Variants in ZNF605 observed in about 807,000 individuals in gnomAD.
ZNF605 encodes zinc finger protein 605.
Under a neutral mutation model 7.9 loss-of-function variants are expected in ZNF605, and 9 were observed. The ratio of observed to expected loss-of-function variants is 1.14; its 90% confidence interval spans 0.68 to 1.98. The LOEUF (loss-of-function observed/expected upper bound fraction) is 1.98, where lower values mean the gene tolerates loss of function less well. Among genes scored for constraint, ZNF605 ranks in the 30% most tolerant of loss-of-function variants. The probability of loss-of-function intolerance (pLI) is 0.00; values close to 1 mark genes in which losing one functional copy is unlikely to be tolerated. For missense variants in ZNF605, 673 were observed against 762.4 expected (o/e 0.88, Z 1.38); for synonymous variants, 255 against 260.1 (o/e 0.98, Z 0.19).
chr12:132,923,062 C>T lies in ZNF605; in HGVS notation c.*2311G>A, dbSNP rs1321810555. 1.3e-5 allele frequency: 2 copies of T among 152,098 alleles called. No homozygotes were observed. The highest frequency in any genetic ancestry group is 2.4e-5 in the African/African-American group (1 of 41,412). 9.4% of individuals were successfully genotyped at this position (152,098 alleles called of 1,614,324 possible). On this transcript the variant is annotated 3_prime_UTR_variant, in exon 5 of 5. Coordinates refer to ENST00000360187, the MANE Select transcript of ZNF605 (RefSeq NM_183238.4). ...TGTGCCTGCTACAAATTCAAGCTAC[C>T]CCGAGCCCTGAAGGAATAGGCTTCT...
Position 132,941,081 on chromosome 12 carries a change from CAA to C in ZNF605, c.15+4538_15+4539del, listed in dbSNP as rs1203306265. On this transcript the variant is annotated intron_variant, in intron 3 of 4. Transcript: ENST00000360187. This position sits in a 1 kb window ranked among gnomAD's most constrained non-coding sequence, Gnocchi z 5.1. ...TTTTGTTACCCATACGGGTGCTCAC[CAA>C]AAAGACTCCAGTGCTGACCCAGGAA... Among the ~76,000 whole-genome samples, 1 of 152,068 alleles carries C rather than the reference CAA, an allele frequency of 6.6e-6. No homozygotes were observed. The highest frequency in any genetic ancestry group is 1.9e-4 in the East Asian group (1 of 5,192).
rs1034397481 is a variant in ZNF605 at position 132,919,162 on chromosome 12, C to T, written c.*6211G>A. 2 of 152,160 alleles carry T rather than the reference C, an allele frequency of 1.3e-5. No homozygotes were observed. The highest frequency in any genetic ancestry group is 2.9e-5 in the Non-Finnish European group (2 of 68,036). The allele number at this position is 152,160 out of a possible 1,614,324, so 9.4% of individuals were successfully genotyped here. A position where few individuals can be genotyped will look rare whatever the true frequency, so the allele number is the denominator to read the frequency against. On this transcript the variant is annotated 3_prime_UTR_variant, in exon 5 of 5. Transcript: ENST00000360187. ...ATAAAAAGTTAATTCACTTCTCCCACCCCCTATTGTAAGTTTAAGCTTGAT... is the reference window on the plus strand; with the variant it reads ...ATAAAAAGTTAATTCACTTCTCCCATCCCCTATTGTAAGTTTAAGCTTGAT...
At chr12:132,927,464 C>A (rs1170480846) in intron 4 of ZNF605, among the ~76,000 whole-genome samples, 2 of 152,050 alleles carry the variant, frequency 1.3e-5, no homozygotes, top group African/African-American at 4.8e-5. Flanking sequence ...CTCCCAGGTT[C>A]AAGCAATTCT....
rs1405208637 is a variant in ZNF605, at chr12:132,918,792, G to C, written c.*6581C>G. The C allele has an allele frequency of 6.6e-6, 1 of 152,240 alleles. No individual in the cohort carries two copies. The highest frequency in any genetic ancestry group is 2.4e-5 in the African/African-American group (1 of 41,436). 9.4% of individuals were successfully genotyped at this position (152,240 alleles called of 1,614,324 possible). ...GTAGAGATAGGGTTTTGCCATGTTGGCCAGGCTGCTCTTGAGCTCCTGAAC... is the reference window on the plus strand; with the variant it reads ...GTAGAGATAGGGTTTTGCCATGTTGCCCAGGCTGCTCTTGAGCTCCTGAAC... On this transcript the variant is annotated 3_prime_UTR_variant, in exon 5 of 5. Coordinates refer to ENST00000360187, the MANE Select transcript of ZNF605 (RefSeq NM_183238.4).
intron 3 of ZNF605, among the ~76,000 whole-genome samples, chr12:132,935,886 C>CT (rs2137137912): frequency 1.1e-5 from 1 of 90,546 alleles, no homozygotes; most frequent in East Asian, 2.3e-4. Flanking sequence ...GAGTGAGACT[C>CT]TGTCTTAAAA....
intron 3 of ZNF605, among the ~76,000 whole-genome samples, chr12:132,942,004 G>A (rs911432623): frequency 1.3e-5 from 2 of 152,178 alleles, no homozygotes; most frequent in Non-Finnish European, 2.9e-5. Context: ...TAAAAGTTCA[G>A]GATTTTGTGC....
At chr12:132,949,982 A>T (rs1593603448) in intron 1 of ZNF605, among the ~76,000 whole-genome samples, 1 of 152,030 alleles carries the variant, frequency 6.6e-6, no homozygotes, top group African/African-American at 2.4e-5. Flanking sequence ...AAGAGCCCAG[A>T]GATTGGCATC....
intron 2 of ZNF605, among the ~76,000 whole-genome samples, 181 bp downstream of exon 2, chr12:132,947,967 T>C (rs907739280): frequency 1.3e-5 from 2 of 152,260 alleles, no homozygotes; most frequent in East Asian, 3.9e-4. Context: ...TTACTGCTGA[T>C]TTCTGAAGGA....
In ZNF605 at chr12:132,926,201, T is replaced by C; in HGVS notation, c.1098A>G (p.Glu366=). 1 of 1,614,202 alleles carries C rather than the reference T, an allele frequency of 6.2e-7. No individual in the cohort carries two copies. The highest frequency in any genetic ancestry group is 8.5e-7 in the Non-Finnish European group (1 of 1,180,042). ...QRIHTGEKPY[E]CNECGEAFIR... is the part of the protein sequence containing the mutation. The stretch of plus-strand genomic sequence containing the variant: ...TGAAGGCTTCACCACATTCGTTGCA[T>C]TCGTAGGGCTTCTCTCCTGTATGAA... Residue 366 remains glutamate (E), a synonymous_variant, in exon 5 of 5, where the codon GAA becomes GAG. Transcript: ENST00000360187.
intron 3 of ZNF605, among the ~76,000 whole-genome samples, chr12:132,934,722 A>AAAAAG (rs1555279190): frequency 2.9e-5 from 4 of 136,138 alleles, no homozygotes; most frequent in Admixed American, 7.7e-5. Flanking sequence ...AAAAAAAAAA[A>AAAAAG]GATTCCAGGA....
rs1952247287 is a variant in ZNF605, at chr12:132,926,333, C to T, written c.966G>A (p.Ser322=). The T allele has an allele frequency of 1.2e-5, 19 of 1,613,918 alleles. No individual in the cohort carries two copies. Among genetic ancestry groups the T allele is most frequent in the South Asian group, 3.3e-5 (3 of 91,074 alleles). The change falls in exon 5 of 5, where the codon TCG becomes TCA. Residue 322 remains serine (S), a synonymous_variant. Coordinates refer to ENST00000360187, the MANE Select transcript of ZNF605 (RefSeq NM_183238.4). ...SHCGKAFFWK[S]QLITHQRTHT... is the part of the protein sequence containing the mutation. Reference sequence around the variant, plus strand: ...GGGTCCTCTGATGAGTAATCAGCTGCGACTTCCAAAAGAAGGCTTTTCCAC... The same window carrying T: ...GGGTCCTCTGATGAGTAATCAGCTGTGACTTCCAAAAGAAGGCTTTTCCAC...
chr12:132,943,967 G>A (rs1952472744), intron 3 of ZNF605, among the ~76,000 whole-genome samples: 1 of 152,152 alleles, frequency 6.6e-6, no homozygotes, highest in African/African-American at 2.4e-5. Flanking sequence ...GCCCAGGAAC[G>A]TCCTGATGTC....
At position 132,926,997 on chromosome 12, in the gene ZNF605, C is replaced by T; in HGVS notation, c.302G>A (p.Ser101Asn). 1 of 1,611,690 alleles carries T rather than the reference C, an allele frequency of 6.2e-7. No individual in the cohort carries two copies. The highest frequency in any genetic ancestry group is 8.5e-7 in the Non-Finnish European group (1 of 1,179,702). ...AAGCAAATCAAAAGGACATTTCAAA[C>T]TTTTTTCTCCTGTGCCACATTTATG... ...RSHKCGTGEK[S>N]LKCPFDLLIP... The change falls in exon 5 of 5, where the codon AGT (serine) becomes AAT (asparagine). Residue 101 changes from serine (S) to asparagine (N), a missense_variant. Coordinates refer to ENST00000360187, the MANE Select transcript of ZNF605 (RefSeq NM_183238.4).
Position 132,926,301 on chromosome 12 carries a change from C to A in ZNF605, c.998G>T (p.Gly333Val). The A allele has an allele frequency of 6.2e-7, 1 of 1,614,094 alleles. No homozygotes were observed. Among genetic ancestry groups the A allele is most frequent in the Non-Finnish European group, 8.5e-7 (1 of 1,180,010 alleles). Residue 333 changes from glycine (G) to valine (V), a missense_variant, in exon 5 of 5, where the codon GGG becomes GTG. By Grantham distance (109) the Gly-to-Val change is moderately radical (BLOSUM62 -3). Transcript: ENST00000360187. Reference sequence around the variant, plus strand: ...CTCACCACATCCGTAAGGTTTCTTCCCTGTGTGGGTCCTCTGATGAGTAAT... The same window carrying A: ...CTCACCACATCCGTAAGGTTTCTTCACTGTGTGGGTCCTCTGATGAGTAAT... ...QLITHQRTHTGKKPYGCGECQ... is the reference protein window; with the variant it reads ...QLITHQRTHTVKKPYGCGECQ...
intron 4 of ZNF605, chr12:132,932,820 C>A: frequency 6.5e-7 from 1 of 1,528,860 alleles, no homozygotes; most frequent in Non-Finnish European, 8.8e-7. Context: ...CGATTGGAAA[C>A]ACAGAGGACT....
At position 132,952,439 on chromosome 12, in the gene ZNF605, C is replaced by T. The variant is rs1427323179; in HGVS notation, c.-286+3804G>A. Among the ~76,000 whole-genome samples, 10 of 134,122 alleles carry T rather than the reference C, an allele frequency of 7.5e-5. No individual in the cohort carries two copies. In the South Asian group the frequency reaches 9.7e-4, roughly 13 times the overall value. The allele number at this position is 134,122 out of a possible 152,430, so 88.0% of individuals were successfully genotyped here. A position where few individuals can be genotyped will look rare whatever the true frequency, so the allele number is the denominator to read the frequency against. ...TCACGCCACTGCACTCAAGCATGGG[C>T]GACTCTGTCTCAAAAAAAAAAAAAA... On this transcript the variant is annotated intron_variant, in intron 1 of 4. Transcript: ENST00000360187.
chr12:132,953,841 C>T (rs755708603), intron 1 of ZNF605, among the ~76,000 whole-genome samples: 7 of 152,134 alleles, frequency 4.6e-5, no homozygotes, highest in South Asian at 2.1e-4. Context: ...CTCACCCACC[C>T]GCACACCCAT....
At chr12:132,949,220 G>T (rs866706461) in intron 1 of ZNF605, among the ~76,000 whole-genome samples, 3 of 152,164 alleles carry the variant, frequency 2.0e-5, no homozygotes, top group African/African-American at 4.8e-5. Context: ...GAAGCCAGAC[G>T]TGCAGGCTCC....
intron 3 of ZNF605, chr12:132,945,169 G>C: frequency 2.0e-6 from 1 of 511,336 alleles, no homozygotes; most frequent in Non-Finnish European, 3.5e-6. Context: ...TTGCCATGTT[G>C]GCCAGGCTGG....
Sources: allele counts gnomAD v4.1 joint callset (sites outside exome capture counted in the v4.1 genomes callset), GRCh38; gene constraint gnomAD v4.1.1; non-coding constraint Gnocchi (gnomAD v3.1); transcripts MANE v1.5; gene names NCBI Gene and HGNC (gene_info 2026-07-23, HGNC 2026-07-21).